The following DLG2 variants were observed in gnomAD, a reference collection of about 807,000 sequenced individuals.
The protein encoded by DLG2 is disks large homolog 2.
Under a neutral mutation model 132.5 loss-of-function variants are expected in DLG2, and 45 were observed. The ratio of observed to expected loss-of-function variants is 0.34; its 90% CI spans 0.27 to 0.44. The LOEUF (loss-of-function observed/expected upper bound fraction) is 0.44. DLG2 is among the 20% of genes least tolerant of loss of function. The pLI is 1.00. For missense variants in DLG2, 1,045 were observed against 1,196.9 expected (o/e 0.87, Z 1.87); for synonymous variants, 424 against 419.6 (o/e 1.01, Z -0.13).
intron 6 of DLG2, among the ~76,000 whole-genome samples, chr11:85,090,105 G>C (rs1388659909): frequency 1.3e-5 from 2 of 152,100 alleles, no homozygotes; most frequent in African/African-American, 4.8e-5. Context: ...CAGAGATTAG[G>C]CACACATGTA....
chr11:83,745,200 T>G (rs772123049), intron 18 of DLG2, among the ~76,000 whole-genome samples: 2 of 152,212 alleles, frequency 1.3e-5, no homozygotes, highest in Non-Finnish European at 2.9e-5. Context: ...TTCTGTAGAA[T>G]AAAAACCTGG....
intron 6 of DLG2, among the ~76,000 whole-genome samples, chr11:85,093,445 A>G (rs529421866): frequency 6.6e-6 from 1 of 152,150 alleles, no homozygotes; most frequent in African/African-American, 2.4e-5. Context: ...CCTCACAGAC[A>G]CAGCCCAAAT....
At chr11:84,043,774 A>AT (rs1332594594) in intron 11 of DLG2, among the ~76,000 whole-genome samples, 2 of 150,948 alleles carry the variant, frequency 1.3e-5, no homozygotes, top group South Asian at 2.1e-4. Flanking sequence ...AGTGACATCT[A>AT]TTTTTTCTTC....
chr11:85,340,948 A>T (rs567665878), intron 3 of DLG2, among the ~76,000 whole-genome samples: 101 of 152,216 alleles, frequency 6.6e-4, no homozygotes, highest in African/African-American at 2.3e-3. Flanking sequence ...ATGATGTGAG[A>T]TATGGATCTA....
chr11:84,590,599 T>C (rs2099540466), intron 6 of DLG2, among the ~76,000 whole-genome samples: 2 of 152,054 alleles, frequency 1.3e-5, no homozygotes, highest in Admixed American at 1.3e-4. Context: ...TAGGGGAAAA[T>C]AGAAAATAAA....
At chr11:84,397,565 A>G (rs542029217) in intron 7 of DLG2, among the ~76,000 whole-genome samples, 34 of 152,294 alleles carry the variant, frequency 2.2e-4, no homozygotes, top group African/African-American at 8.2e-4. Context: ...TTTTTTGGCA[A>G]TCTTAGAAGT....
At chr11:84,775,139 C>T (rs192808962) in intron 6 of DLG2, among the ~76,000 whole-genome samples, 25 of 152,176 alleles carry the variant, frequency 1.6e-4, no homozygotes, top group African/African-American at 6.0e-4. Flanking sequence ...AGACACTTCT[C>T]AAAAGAATAC....
intron 15 of DLG2, among the ~76,000 whole-genome samples, chr11:83,881,889 A>G (rs1047254739): frequency 6.6e-6 from 1 of 152,218 alleles, no homozygotes; most frequent in African/African-American, 2.4e-5. Flanking sequence ...ATCAAGAGTA[A>G]GTTTTCTGAT....
At chr11:85,348,623 TC>T (rs374150996) in intron 3 of DLG2, among the ~76,000 whole-genome samples, 145 of 152,138 alleles carry the variant, frequency 9.5e-4, no homozygotes, top group African/African-American at 3.2e-3. Flanking sequence ...ATTATCTCTT[TC>T]CCCCCTCCAT....
intron 3 of DLG2, among the ~76,000 whole-genome samples, chr11:85,315,569 G>A (rs541380716): frequency 3.3e-5 from 5 of 151,968 alleles, no homozygotes; most frequent in South Asian, 4.2e-4. Context: ...CACTGATATC[G>A]AACATCTTCC....
intron 6 of DLG2, chr11:84,923,099 C>T: frequency 6.2e-7 from 1 of 1,613,918 alleles, no homozygotes; most frequent in Non-Finnish European, 8.5e-7. Context: ...CCGGAGTGCA[C>T]AGTAACATGC....
intron 6 of DLG2, among the ~76,000 whole-genome samples, chr11:84,579,562 C>T (rs2099511548): frequency 6.6e-6 from 1 of 151,904 alleles, no homozygotes; most frequent in Non-Finnish European, 1.5e-5. Flanking sequence ...AAAGAATGAC[C>T]CGTGTGAGGA....
At chr11:84,517,250 T>C (rs1270518150) in intron 7 of DLG2, among the ~76,000 whole-genome samples, 1 of 151,322 alleles carries the variant, frequency 6.6e-6, no homozygotes, top group Non-Finnish European at 1.5e-5. Flanking sequence ...AAACTATATA[T>C]CTGTTAAGGA....
chr11:83,842,329 C>T (rs2057729240), intron 16 of DLG2, among the ~76,000 whole-genome samples: 1 of 152,118 alleles, frequency 6.6e-6, no homozygotes, highest in Non-Finnish European at 1.5e-5. Context: ...GGCTTGGTGG[C>T]TCACGCCTGT....
At chr11:84,654,714 C>T (rs1157289491) in intron 6 of DLG2, among the ~76,000 whole-genome samples, 1 of 152,154 alleles carries the variant, frequency 6.6e-6, no homozygotes, top group African/African-American at 2.4e-5. Context: ...GAACATGGCA[C>T]AAATGTTTGT....
At chr11:84,380,105 T>C (rs1379375341) in intron 7 of DLG2, among the ~76,000 whole-genome samples, 1 of 151,992 alleles carries the variant, frequency 6.6e-6, no homozygotes, top group East Asian at 1.9e-4. Context: ...AAAAAAAGAA[T>C]AAAATAAAAA....
chr11:84,544,079 G>T (rs2099384676), intron 6 of DLG2, among the ~76,000 whole-genome samples: 1 of 152,172 alleles, frequency 6.6e-6, no homozygotes, highest in Non-Finnish European at 1.5e-5. Context: ...AACTATGGGA[G>T]AACTTACTCT....
intron 17 of DLG2, chr11:83,791,432 CT>C: frequency 1.4e-6 from 1 of 714,342 alleles, no homozygotes. Flanking sequence ...TTGGCCATAT[CT>C]TTACCATAGC....
chr11:83,698,488 T>C (rs1172561151), intron 18 of DLG2, among the ~76,000 whole-genome samples: 1 of 152,224 alleles, frequency 6.6e-6, no homozygotes, highest in Non-Finnish European at 1.5e-5. Context: ...TTTGGTATCA[T>C]GGGTTTCTTC....
Sources: gnomAD v4.1 joint callset for allele counts (sites outside exome capture counted in the v4.1 genomes callset) on GRCh38, gnomAD v4.1.1 for gene constraint, MANE v1.5 for transcripts, NCBI Gene and HGNC (gene_info 2026-07-23, HGNC 2026-07-21) for gene names.